Variants in RBFOX1 observed in about 807,000 individuals in gnomAD.
RBFOX1 encodes RNA binding fox-1 homolog 1, also known as RNA binding protein fox-1 homolog 1.
RBFOX1 carries 8 observed loss-of-function variants against 57.7 expected under a neutral mutation model. The ratio of observed to expected loss-of-function variants is 0.14; its 90% CI spans 0.08 to 0.25. The LOEUF (loss-of-function observed/expected upper bound fraction) is 0.25, where lower values mean the gene tolerates loss of function less well. RBFOX1 is among the 10% of genes least tolerant of loss of function. The probability of loss-of-function intolerance (pLI) is 1.00; values close to 1 mark genes in which losing one functional copy is unlikely to be tolerated. For synonymous variants in RBFOX1, 326 were observed against 222.4 expected (o/e 1.47, Z -4.15); for missense variants, 611 against 548.5 (o/e 1.11, Z -1.14).
At chr16:7,404,071 G>T (rs200730068) in intron 4 of RBFOX1, among the ~76,000 whole-genome samples, 6 of 19,714 alleles carry the variant, frequency 3.0e-4, no homozygotes, top group East Asian at 1.3e-3. Flanking sequence ...TTATTTTATT[G>T]AGACGGAGTC....
intron 3 of RBFOX1, among the ~76,000 whole-genome samples, chr16:6,748,488 C>A (rs937019951): frequency 5.3e-5 from 8 of 152,146 alleles, no homozygotes; most frequent in African/African-American, 7.2e-5. Context: ...TAACAAGATC[C>A]CGTCTCTCCA....
intron 1 of RBFOX1, among the ~76,000 whole-genome samples, chr16:5,444,986 C>T (rs1472507505): frequency 6.6e-6 from 1 of 152,182 alleles, no homozygotes; most frequent in African/African-American, 2.4e-5. Context: ...GAAATCAACA[C>T]CCTGTCATCT....
intron 3 of RBFOX1, among the ~76,000 whole-genome samples, chr16:5,730,628 A>G (rs949694389): frequency 1.3e-5 from 2 of 152,046 alleles, no homozygotes; most frequent in African/African-American, 4.8e-5. Flanking sequence ...CACTGTCACC[A>G]TCATCATCAC....
chr16:5,919,535 G>T (rs889372978), intron 4 of RBFOX1, among the ~76,000 whole-genome samples: 1 of 152,034 alleles, frequency 6.6e-6, no homozygotes, highest in East Asian at 1.9e-4. Context: ...GTAGAGACGG[G>T]GTTTCCCCAT....
chr16:7,361,309 G>A (rs1206088646), intron 4 of RBFOX1, among the ~76,000 whole-genome samples: 1 of 152,208 alleles, frequency 6.6e-6, no homozygotes, highest in African/African-American at 2.4e-5. Context: ...GCAGCTTCTA[G>A]GTGGCACTTA....
At chr16:7,527,569 A>T (rs2078983918) in intron 5 of RBFOX1, among the ~76,000 whole-genome samples, 1 of 152,132 alleles carries the variant, frequency 6.6e-6, no homozygotes, top group Non-Finnish European at 1.5e-5. Flanking sequence ...TTATCGGGAG[A>T]AGCAGAGTAG....
chr16:6,898,788 CA>C (rs1304543265), intron 3 of RBFOX1, among the ~76,000 whole-genome samples: 1 of 151,326 alleles, frequency 6.6e-6, no homozygotes, highest in Non-Finnish European at 1.5e-5. Context: ...TGTGTGTATG[CA>C]TGTGCGTGTC....
intron 2 of RBFOX1, among the ~76,000 whole-genome samples, chr16:5,581,883 A>T (rs925752843): frequency 6.6e-6 from 1 of 152,184 alleles, no homozygotes; most frequent in Non-Finnish European, 1.5e-5. Flanking sequence ...GTAGGAAGTG[A>T]TGCAAGATTT....
At chr16:6,692,611 C>A (rs932603448) in intron 3 of RBFOX1, among the ~76,000 whole-genome samples, 5 of 147,770 alleles carry the variant, frequency 3.4e-5, no homozygotes, top group African/African-American at 5.0e-5. Context: ...CCTCCTTCCA[C>A]CATGCACTTT....
chr16:7,342,568 C>T (rs1264246929), intron 4 of RBFOX1, among the ~76,000 whole-genome samples: 1 of 152,010 alleles, frequency 6.6e-6, no homozygotes, highest in African/African-American at 2.4e-5. Flanking sequence ...TCGAGATGCT[C>T]TAGGTTGGGA....
chr16:6,990,385 A>G (rs2091223000), intron 3 of RBFOX1, among the ~76,000 whole-genome samples: 1 of 152,002 alleles, frequency 6.6e-6, no homozygotes, highest in Non-Finnish European at 1.5e-5. Flanking sequence ...GTTAGCCGGT[A>G]GTGGTGGCGC....
chr16:6,210,361 C>CAAAAAAAAAAAAAAAAAAAAAAAAA (rs3064933), intron 1 of RBFOX1, among the ~76,000 whole-genome samples: 2 of 61,454 alleles, frequency 3.3e-5, no homozygotes, highest in African/African-American at 4.6e-5. Flanking sequence ...AAAAAAACAC[C>CAAAAAAAAAAAAAAAAAAAAAAAAA]AAAAAAAAAA....
At position 6,951,193 on chromosome 16, in the gene RBFOX1, C is replaced by T. The variant is rs773380460; in HGVS notation, c.-15-100864C>T. Among the ~76,000 whole-genome samples, 43 of 152,090 alleles carry T rather than the reference C, an allele frequency of 2.8e-4. 1 individual carries two copies. Among genetic ancestry groups the T allele is most frequent in the Non-Finnish European group, 4.6e-4 (31 of 68,028 alleles). The stretch of plus-strand genomic sequence containing the variant: ...AAGTGTTGGGATTATAGGTGTGAGC[C>T]AACAGGCCCTGCCTAACTTTTTTTT... On this transcript the variant is annotated intron_variant, in intron 3 of 15. Transcript: ENST00000550418.
chr16:5,789,172 TG>T (rs1478498498), intron 3 of RBFOX1, among the ~76,000 whole-genome samples: 1 of 152,170 alleles, frequency 6.6e-6, no homozygotes, highest in African/African-American at 2.4e-5. Flanking sequence ...ATTAAATACA[TG>T]GCAGCTGGTG....
intron 4 of RBFOX1, among the ~76,000 whole-genome samples, chr16:7,181,533 G>GCT (rs1030619079): frequency 4.8e-5 from 7 of 147,350 alleles, no homozygotes; most frequent in East Asian, 2.0e-4. Context: ...TCCCTCCCTT[G>GCT]CTCTCTCTCT....
intron 3 of RBFOX1, among the ~76,000 whole-genome samples, chr16:6,927,089 C>T (rs765587963): frequency 3.9e-5 from 6 of 152,004 alleles, no homozygotes; most frequent in Non-Finnish European, 8.8e-5. Context: ...GGGCCTCAAG[C>T]TTGAGTTTGC....
intron 3 of RBFOX1, chr16:6,774,038 C>G (rs902513110): frequency 6.2e-6 from 6 of 972,532 alleles, no homozygotes; most frequent in Non-Finnish European, 7.3e-6. Context: ...CTTTTTCTAC[C>G]TGTAAATGCT....
intron 2 of RBFOX1, among the ~76,000 whole-genome samples, chr16:5,557,045 G>T (rs185664605): frequency 6.6e-6 from 1 of 152,120 alleles, no homozygotes; most frequent in Admixed American, 6.5e-5. Context: ...GGATCATGAG[G>T]TCAGGAGATC....
At chr16:5,694,310 G>C (rs1266181647) in intron 3 of RBFOX1, among the ~76,000 whole-genome samples, 1 of 152,166 alleles carries the variant, frequency 6.6e-6, no homozygotes, top group Non-Finnish European at 1.5e-5. Flanking sequence ...AATTATCACT[G>C]TTTTACCTTG....
Sources: allele counts gnomAD v4.1 joint callset (sites outside exome capture counted in the v4.1 genomes callset), GRCh38; gene constraint gnomAD v4.1.1; transcripts MANE v1.5; gene names NCBI Gene and HGNC (gene_info 2026-07-23, HGNC 2026-07-21).